Variants in KIT observed in about 807,000 individuals in gnomAD.
The protein encoded by KIT is KIT proto-oncogene, receptor tyrosine kinase, also known as mast/stem cell growth factor receptor Kit.
A neutral mutation model predicts 105.7 loss-of-function variants in KIT; 16 were observed. That is an observed-to-expected ratio of 0.15 (90% CI 0.10 to 0.23). The LOEUF (loss-of-function observed/expected upper bound fraction) is 0.23. Among genes scored for constraint, KIT ranks in the 10% least tolerant of loss-of-function variants. The pLI is 1.00. For missense variants in KIT, 858 were observed against 1,213.8 expected, an observed-to-expected ratio of 0.71 and a Z score of 4.36; for synonymous variants, 438 against 441.1, an observed-to-expected ratio of 0.99 and a Z score of 0.09.
chr4:54,676,192 A>C (rs1456755381), intron 1 of KIT, among the ~76,000 whole-genome samples: 1 of 152,182 alleles, frequency 6.6e-6, no homozygotes, highest in Non-Finnish European at 1.5e-5. Context: ...CTGGACCAGC[A>C]GCATCAGGAT....
chr4:54,732,194 TA>T (rs1404099186), intron 16 of KIT, among the ~76,000 whole-genome samples, 196 bp downstream of exon 16: 1 of 152,066 alleles, frequency 6.6e-6, no homozygotes. Context: ...ATTCCTGTTC[TA>T]ATTTATAAGC....
chr4:54,665,374 G>A (rs968305386), intron 1 of KIT, among the ~76,000 whole-genome samples: 2 of 152,170 alleles, frequency 1.3e-5, no homozygotes, highest in African/African-American at 4.8e-5. Flanking sequence ...AGACTATTTA[G>A]GAGGGTTAAA....
Position 54,727,267 on chromosome 4 carries a change from A to C in KIT, c.1590A>C (p.Val530=). The change falls in exon 10 of 21, where the codon GTA becomes GTC. Residue 530 remains valine, a synonymous_variant. Transcript: ENST00000288135. ...TLFTPLLIGF[V]IVAGMMCIIV... ...TCACTCCTTTGCTGATTGGTTTCGT[A>C]ATCGTAGCTGGCATGATGTGCATTA... 2 of 1,614,198 alleles carry C rather than the reference A, an allele frequency of 1.2e-6. No individual in the cohort carries two copies. Among genetic ancestry groups the C allele is most frequent in the South Asian group, 2.2e-5 (2 of 91,086 alleles).
chr4:54,724,020 G>A (rs1463774376), intron 8 of KIT, among the ~76,000 whole-genome samples: 2 of 152,152 alleles, frequency 1.3e-5, no homozygotes, highest in Admixed American at 6.5e-5. Context: ...TACACAGGAG[G>A]TAATGTGTGT....
rs570373230 is a variant in KIT at position 54,691,266 on chromosome 4, G to A, written c.68-4246G>A. Among the ~76,000 whole-genome samples, 7 of 152,262 alleles carry A rather than the reference G, an allele frequency of 4.6e-5. No individual in the cohort carries two copies. The South Asian group carries it at 8.3e-4, about 18-fold the overall frequency. On this transcript the variant is annotated intron_variant, in intron 1 of 20. Coordinates refer to ENST00000288135, the MANE Select transcript of KIT (RefSeq NM_000222.3). The stretch of plus-strand genomic sequence containing the variant: ...ATTACTGTGCTAGAGGGAAAAGTAC[G>A]ATTTAGGATCCTTACCTGCAGGATC...
intron 1 of KIT, among the ~76,000 whole-genome samples, chr4:54,686,164 T>C (rs13135792): frequency 0.26 from 39,599 of 152,106 alleles, 6,348 homozygotes; most frequent in Admixed American, 0.38. Flanking sequence ...GATTCCCCTG[T>C]GTCAATTAGT....
intron 7 of KIT, among the ~76,000 whole-genome samples, chr4:54,714,598 A>T (rs969946292): frequency 2.6e-5 from 4 of 152,238 alleles, no homozygotes; most frequent in Admixed American, 2.0e-4. Context: ...GAAATAAATT[A>T]TGGTTGATAT....
chr4:54,685,227 C>G (rs937327828), intron 1 of KIT, among the ~76,000 whole-genome samples: 2 of 152,202 alleles, frequency 1.3e-5, no homozygotes, highest in Non-Finnish European at 2.9e-5. Flanking sequence ...CTACCACCCT[C>G]TGTGTGCCAG....
chr4:54,693,420 A>C (rs905187607), intron 1 of KIT, among the ~76,000 whole-genome samples: 2 of 152,174 alleles, frequency 1.3e-5, no homozygotes, highest in African/African-American at 4.8e-5. Flanking sequence ...GAGCCCTTTA[A>C]GATCAATGCT....
Position 54,727,275 on chromosome 4 carries a change from C to T in KIT, c.1598C>T (p.Ala533Val), listed in dbSNP as rs753212327. The T allele has an allele frequency of 1.9e-6, 3 of 1,614,150 alleles. No homozygotes were observed. The highest frequency in any genetic ancestry group is 2.5e-6 in the Non-Finnish European group (3 of 1,179,998). The change falls in exon 10 of 21, where the codon GCT (alanine) becomes GTT (valine). Residue 533 changes from alanine to valine, a missense_variant. By Grantham distance (64) the Ala-to-Val change is moderately conservative. Transcript: ENST00000288135. The part of the protein sequence containing the change: ...TPLLIGFVIV[A>V]GMMCIIVMIL... ...TTGCTGATTGGTTTCGTAATCGTAG[C>T]TGGCATGATGTGCATTATTGTGATG...
chr4:54,702,057 G>A (rs1192667264), intron 4 of KIT, among the ~76,000 whole-genome samples: 4 of 152,104 alleles, frequency 2.6e-5, no homozygotes, highest in African/African-American at 7.2e-5. Context: ...CTCACGATTA[G>A]TTAACAGCAA....
chr4:54,736,743 G>T lies in KIT; in HGVS notation c.2619G>T (p.Met873Ile), dbSNP rs766036617. The change falls in exon 19 of 21, where the codon ATG becomes ATT. Residue 873 changes from methionine (M) to isoleucine (I), a missense_variant. By Grantham distance (10) the Met-to-Ile change is conservative. Around this residue, in one of 7 missense-constraint regions of KIT, gnomAD observed 63 missense variants for 137.4 expected, o/e 0.46. Transcript: ENST00000288135. Reference protein sequence around the residue: ...FSLGSSPYPGMPVDSKFYKMI... With the variant: ...FSLGSSPYPGIPVDSKFYKMI... ...CAGGAAGCAGCCCCTATCCTGGAAT[G>T]CCGGTCGATTCTAAGTTCTACAAGA... The T allele has an allele frequency of 6.2e-7, 1 of 1,614,136 alleles. No individual in the cohort carries two copies. The highest frequency in any genetic ancestry group is 8.5e-7 in the Non-Finnish European group (1 of 1,180,010).
Position 54,709,430 on chromosome 4 carries a change from A to G in KIT, c.1122A>G (p.Val374=). Residue 374 remains valine (V), a synonymous_variant, in exon 7 of 21, where the codon GTA becomes GTG. Coordinates refer to ENST00000288135, the MANE Select transcript of KIT (RefSeq NM_000222.3). ...AGTTGTCTTTTCTTTGTAGATACGT[A>G]AGTGAACTTCATCTAACGAGATTAA... ...KSENESNIRY[V]SELHLTRLKG... 1 of 1,603,390 alleles carries G rather than the reference A, an allele frequency of 6.2e-7. No individual in the cohort carries two copies. The highest frequency in any genetic ancestry group is 2.2e-5 in the East Asian group (1 of 44,834).
rs369153709 is a variant in KIT, at chr4:54,687,295, G to A, written c.68-8217G>A. 9.2e-5 allele frequency among the ~76,000 whole-genome samples: 14 copies of A among 152,102 alleles called. No individual in the cohort carries two copies. In the East Asian group the frequency reaches 2.3e-3, roughly 25 times the overall value. The stretch of plus-strand genomic sequence containing the variant: ...GCTACTAAAAATGCAGAAATTAGCC[G>A]GGTATGGTTATGTGCCCCTGTAATC... On this transcript the variant is annotated intron_variant, in intron 1 of 20. Transcript: ENST00000288135.
chr4:54,698,883 G>C (rs991795653), intron 3 of KIT, among the ~76,000 whole-genome samples: 1 of 152,210 alleles, frequency 6.6e-6, no homozygotes, highest in African/African-American at 2.4e-5. Flanking sequence ...TGGGTAGCTT[G>C]AATTATGTTG....
In KIT at chr4:54,732,311, G is replaced by A. The variant is rs567477772; in HGVS notation, c.2361+313G>A. ...TTTTAGGATATAGGATATGTTCCTAGAGAACAGAATCATTTTATCAGTAAA... is the reference window on the plus strand; with the variant it reads ...TTTTAGGATATAGGATATGTTCCTAAAGAACAGAATCATTTTATCAGTAAA... On this transcript the variant is annotated intron_variant, in intron 16 of 20. Transcript: ENST00000288135. 1.2e-3 allele frequency among the ~76,000 whole-genome samples: 189 copies of A among 152,192 alleles called. 1 individual carries two copies. Among genetic ancestry groups the A allele is most frequent in the African/African-American group, 4.4e-3 (183 of 41,544 alleles).
At chr4:54,686,315 C>G (rs1054362964) in intron 1 of KIT, among the ~76,000 whole-genome samples, 3 of 152,034 alleles carry the variant, frequency 2.0e-5, no homozygotes, top group African/African-American at 7.2e-5. Context: ...TTGCTTGAAA[C>G]CTTAAACTGT....
chr4:54,740,040 A>ACAAAT lies in KIT; in HGVS notation c.*1487_*1488insTCAAA, dbSNP rs1723152658. 8.6e-6 allele frequency: 2 copies of ACAAAT among 233,496 alleles called. No individual in the cohort carries two copies. Among genetic ancestry groups the ACAAAT allele is most frequent in the Admixed American group, 5.6e-5 (1 of 17,776 alleles). 14.5% of individuals were successfully genotyped at this position (233,496 alleles called of 1,614,324 possible). A position where few individuals can be genotyped will look rare whatever the true frequency, so the allele number is the denominator to read the frequency against. The stretch of plus-strand genomic sequence containing the variant: ...CTCTTTAAAAACAAAACAAAACAAA[A>ACAAAT]CAAAAAACTCCCCTTCCTCACTGCC... On this transcript the variant is annotated 3_prime_UTR_variant, in exon 21 of 21. Coordinates refer to ENST00000288135, the MANE Select transcript of KIT (RefSeq NM_000222.3).
In KIT at chr4:54,658,001, T is replaced by C. The variant is rs140909964; in HGVS notation, c.-14T>C. The C allele has an allele frequency of 6.2e-7, 1 of 1,612,976 alleles. No individual in the cohort carries two copies. Among genetic ancestry groups the C allele is most frequent in the Non-Finnish European group, 8.5e-7 (1 of 1,179,300 alleles). ...AACGTGGACCAGAGCTCGGATCCCA[T>C]CGCAGCTACCGCGATGAGAGGCGCT... On this transcript the variant is annotated 5_prime_UTR_variant, in exon 1 of 21. Coordinates refer to ENST00000288135, the MANE Select transcript of KIT (RefSeq NM_000222.3).
Sources: gnomAD v4.1 joint callset for allele counts (sites outside exome capture counted in the v4.1 genomes callset) on GRCh38, gnomAD v4.1.1 for gene constraint, gnomAD v4.1.1 regional missense constraint, MANE v1.5 for transcripts, NCBI Gene and HGNC (gene_info 2026-07-23, HGNC 2026-07-21) for gene names.